AKAP19: variants seen among roughly 807,000 people sequenced by gnomAD.
The protein encoded by AKAP19 is small A-kinase anchoring protein.
chr2:189,981,571 A>G, the AKAP19 span, among the ~76,000 whole-genome samples: 1 of 152,174 alleles, frequency 6.6e-6, no homozygotes, highest in Non-Finnish European at 1.5e-5. Flanking sequence ...CTTTGTGGTC[A>G]CAATTGTGTA....
chr2:190,147,537 C>T, the AKAP19 span, among the ~76,000 whole-genome samples: 561 of 152,106 alleles, frequency 3.7e-3, 3 homozygotes, highest in African/African-American at 0.012. Flanking sequence ...ATGTGAAGAA[C>T]GATGGTGGTA....
At chr2:190,090,886 C>A in the AKAP19 span, 6 of 152,214 alleles carry the variant, frequency 3.9e-5, no homozygotes, top group Non-Finnish European at 7.3e-5. Context: ...AATGTCCGCT[C>A]TTTTCTGTAG....
At chr2:190,039,027 CTT>C in the AKAP19 span, among the ~76,000 whole-genome samples, 5 of 102,356 alleles carry the variant, frequency 4.9e-5, no homozygotes, top group African/African-American at 6.9e-5. Flanking sequence ...TCTTCCTCTT[CTT>C]CCTCTTCTTC....
At chr2:190,022,626 T>G in the AKAP19 span, among the ~76,000 whole-genome samples, 1 of 152,190 alleles carries the variant, frequency 6.6e-6, no homozygotes, top group Non-Finnish European at 1.5e-5. Context: ...ATAGGTGAAC[T>G]TGGGCAAGCT....
the AKAP19 span, among the ~76,000 whole-genome samples, chr2:189,985,055 T>G: frequency 6.6e-6 from 1 of 152,168 alleles, no homozygotes; most frequent in Admixed American, 6.5e-5. Context: ...GCAGAGGACC[T>G]CCCCAACAGT....
At chr2:189,975,961 C>T in the AKAP19 span, among the ~76,000 whole-genome samples, 2 of 152,180 alleles carry the variant, frequency 1.3e-5, no homozygotes, top group Non-Finnish European at 2.9e-5. Flanking sequence ...GTTTGATCGT[C>T]TGAAGCCCTC....
At chr2:190,130,864 C>A in the AKAP19 span, among the ~76,000 whole-genome samples, 15 of 152,232 alleles carry the variant, frequency 9.9e-5, no homozygotes, top group Non-Finnish European at 2.1e-4. Context: ...TTTAAATCTA[C>A]CCCTACCCTA....
At chr2:190,138,866 GCATAGGA>G in the AKAP19 span, among the ~76,000 whole-genome samples, 1 of 152,200 alleles carries the variant, frequency 6.6e-6, no homozygotes, top group African/African-American at 2.4e-5. Flanking sequence ...GGACTTAAGA[GCATAGGA>G]TTTGGACGTA....
At chr2:189,957,824 C>T in the AKAP19 span, among the ~76,000 whole-genome samples, 2 of 152,150 alleles carry the variant, frequency 1.3e-5, no homozygotes, top group African/African-American at 4.8e-5. Flanking sequence ...TATTACATCT[C>T]ACTCTGTCAC....
the AKAP19 span, among the ~76,000 whole-genome samples, chr2:189,929,181 A>T: frequency 3.3e-5 from 5 of 152,186 alleles, no homozygotes; most frequent in Non-Finnish European, 5.9e-5. Flanking sequence ...AGCTAGCAGG[A>T]CTTAATAGAT....
At chr2:190,011,244 A>G in the AKAP19 span, among the ~76,000 whole-genome samples, 1 of 151,832 alleles carries the variant, frequency 6.6e-6, no homozygotes, top group African/African-American at 2.4e-5. Flanking sequence ...TTTCTTTAGT[A>G]GAGATGGGGT....
chr2:190,088,223 C>A, the AKAP19 span, among the ~76,000 whole-genome samples: 1 of 152,242 alleles, frequency 6.6e-6, no homozygotes, highest in East Asian at 1.9e-4. Flanking sequence ...AATGCACAAA[C>A]CCCATGATCG....
the AKAP19 span, among the ~76,000 whole-genome samples, chr2:190,189,036 T>C: frequency 1.3e-5 from 2 of 152,180 alleles, no homozygotes; most frequent in Non-Finnish European, 2.9e-5. Context: ...AACACAGGAC[T>C]TGAAGGCCAG....
At chr2:189,950,344 T>TG in the AKAP19 span, among the ~76,000 whole-genome samples, 5 of 149,532 alleles carry the variant, frequency 3.3e-5, no homozygotes, top group Non-Finnish European at 7.4e-5. Context: ...GTTTTTTTTT[T>TG]TTGTTTTTTT....
chr2:190,036,520 C>A, the AKAP19 span, among the ~76,000 whole-genome samples: 1 of 152,062 alleles, frequency 6.6e-6, no homozygotes, highest in Non-Finnish European at 1.5e-5. Flanking sequence ...TGGGAGGAAA[C>A]CGTAAACAAT....
the AKAP19 span, among the ~76,000 whole-genome samples, chr2:190,126,567 T>G: frequency 6.6e-6 from 1 of 151,914 alleles, no homozygotes; most frequent in African/African-American, 2.4e-5. Context: ...ATAAAAGAAA[T>G]GTAAGAAATG....
At chr2:189,962,114 A>G in the AKAP19 span, among the ~76,000 whole-genome samples, 14 of 152,324 alleles carry the variant, frequency 9.2e-5, 1 homozygote, top group Middle Eastern at 6.8e-3. Context: ...TATATAATAG[A>G]GGTTCCATAA....
the AKAP19 span, chr2:190,062,522 C>T: frequency 2.5e-6 from 4 of 1,613,328 alleles, no homozygotes; most frequent in Non-Finnish European, 3.4e-6. Flanking sequence ...GCTCACTGTT[C>T]TCATTTAGAT....
the AKAP19 span, among the ~76,000 whole-genome samples, chr2:190,105,128 C>G: frequency 6.6e-6 from 1 of 152,098 alleles, no homozygotes; most frequent in Non-Finnish European, 1.5e-5. Context: ...AATTCCATTA[C>G]TGGGTATATA....
Sources: allele counts gnomAD v4.1 joint callset (sites outside exome capture counted in the v4.1 genomes callset), GRCh38; gene constraint gnomAD v4.1.1; transcripts MANE v1.5; gene names NCBI Gene and HGNC (gene_info 2026-07-23, HGNC 2026-07-21).